Variants in PCLO observed in about 807,000 individuals in gnomAD.
The protein encoded by PCLO is protein piccolo.
Under a neutral mutation model 427.5 loss-of-function variants are expected in PCLO, and 82 were observed. The observed-to-expected ratio is 0.19, with a 90% CI of 0.16 to 0.23. PCLO has a LOEUF of 0.23. Ranked by LOEUF, PCLO falls within the 10% of genes least tolerant of loss-of-function variation. The probability of loss-of-function intolerance (pLI) is 1.00; values close to 1 mark genes in which losing one functional copy is unlikely to be tolerated. For missense variants in PCLO, 6,239 were observed against 6,115.9 expected (o/e 1.02, Z -0.67); for synonymous variants, 2,357 against 2,155.4 (o/e 1.09, Z -2.59).
intron 6 of PCLO, among the ~76,000 whole-genome samples, chr7:82,937,716 T>C (rs1794989859): frequency 6.6e-6 from 1 of 151,762 alleles, no homozygotes; most frequent in Non-Finnish European, 1.5e-5. Flanking sequence ...TCAGTCTCTC[T>C]GTTATTAAAG....
intron 3 of PCLO, among the ~76,000 whole-genome samples, chr7:82,977,790 T>C (rs969917612): frequency 1.3e-5 from 2 of 152,284 alleles, no homozygotes; most frequent in Non-Finnish European, 2.9e-5. Context: ...TTGATCCAAT[T>C]AAAGAAATGA....
rs1229568494 is a variant in PCLO, at chr7:83,156,068, C to T, written c.573G>A (p.Lys191=). 1 of 1,613,368 alleles carries T rather than the reference C, an allele frequency of 6.2e-7. No individual in the cohort carries two copies. Among genetic ancestry groups the T allele is most frequent in the South Asian group, 1.1e-5 (1 of 91,018 alleles). The change falls in exon 2 of 25, where the codon AAG becomes AAA. Residue 191 remains lysine, a synonymous_variant. Transcript: ENST00000333891. ...DSEASQEETT[K]KQKVVQKEQG... is the part of the protein sequence containing the mutation. ...GCTCCTTCTGAACCACTTTTTGTTT[C>T]TTGGTGGTTTCTTCCTGGGATGCCT...
chr7:82,953,445 G>A lies in PCLO; in HGVS notation c.7508C>T (p.Pro2503Leu), dbSNP rs866320525. The A allele has an allele frequency of 6.2e-7, 1 of 1,613,456 alleles. No individual in the cohort carries two copies. The highest frequency in any genetic ancestry group is 2.2e-5 in the East Asian group (1 of 44,828). The stretch of plus-strand genomic sequence containing the variant: ...GGCGATTGGAGGTTTGCTTGGCTCA[G>A]GCCTGTGGGTAAATACAAGTCCAGA... The part of the protein sequence containing the change: ...IPSGLVFTHR[P>L]EPSKPPIAPK... Residue 2503 changes from proline to leucine, a missense_variant, in exon 5 of 25, where the codon CCT (proline) becomes CTT (leucine). Pro to Leu is a moderately conservative substitution (Grantham distance 98). Around this residue, in one of 5 missense-constraint regions of PCLO, gnomAD observed 4,677 missense variants for 4,468.4 expected, o/e 1.05. Coordinates refer to ENST00000333891, the MANE Select transcript of PCLO (RefSeq NM_033026.6).
At chr7:82,785,533 TC>T (rs1790967449) in intron 22 of PCLO, among the ~76,000 whole-genome samples, 1 of 152,136 alleles carries the variant, frequency 6.6e-6, no homozygotes, top group African/African-American at 2.4e-5. Flanking sequence ...TCTTCCCATC[TC>T]CCAATCATTT....
At chr7:82,824,451 G>A (rs1466562024) in intron 18 of PCLO, 35 bp from the exon 19 acceptor site, 1 of 1,358,948 alleles carries the variant, frequency 7.4e-7, no homozygotes, top group African/African-American at 1.4e-5. Flanking sequence ...TGAAATTTAG[G>A]GACTAAAGTA....
chr7:82,949,362 C>T (rs1562874904), intron 6 of PCLO, 114 bp downstream of exon 6: 1 of 762,918 alleles, frequency 1.3e-6, no homozygotes. Flanking sequence ...AATCTTCACC[C>T]TAATCTAGTA....
At chr7:83,032,760 A>G (rs185193856) in intron 3 of PCLO, among the ~76,000 whole-genome samples, 1 of 152,192 alleles carries the variant, frequency 6.6e-6, no homozygotes, top group Non-Finnish European at 1.5e-5. Flanking sequence ...TCTTTTCTTT[A>G]TACCCCACAT....
At chr7:82,821,728 C>T (rs376598426) in intron 20 of PCLO, 6 of 983,614 alleles carry the variant, frequency 6.1e-6, no homozygotes, top group East Asian at 2.3e-4. Context: ...GAAAAAATAT[C>T]TGTAAAATCT....
At chr7:83,105,334 AGC>A (rs1382957707) in intron 3 of PCLO, among the ~76,000 whole-genome samples, 1 of 152,188 alleles carries the variant, frequency 6.6e-6, no homozygotes, top group African/African-American at 2.4e-5. Context: ...TTACACCAGA[AGC>A]AAAGTCTAAT....
intron 4 of PCLO, among the ~76,000 whole-genome samples, chr7:82,959,404 G>A (rs577995831): frequency 3.9e-5 from 6 of 152,200 alleles, no homozygotes; most frequent in African/African-American, 1.4e-4. Flanking sequence ...ATTAAAATAT[G>A]TAACAATGTC....
chr7:82,822,845 A>G (rs990060356), intron 19 of PCLO, among the ~76,000 whole-genome samples, 156 bp from the exon 20 acceptor site: 2 of 152,206 alleles, frequency 1.3e-5, no homozygotes, highest in Non-Finnish European at 2.9e-5. Flanking sequence ...AATGATGATT[A>G]AACATCTGGG....
chr7:82,955,898 T>C lies in PCLO; in HGVS notation c.5055A>G (p.Ser1685=), dbSNP rs746361729. 39 of 1,613,966 alleles carry C rather than the reference T, an allele frequency of 2.4e-5. No individual in the cohort carries two copies. Among genetic ancestry groups the C allele is most frequent in the Non-Finnish European group, 3.1e-5 (37 of 1,179,876 alleles). Reference sequence around the variant, plus strand: ...CAAAATACAAACTTGTTTTTTTCTGTGATGACTCTGCAGAATATTTATCTG... The same window carrying C: ...CAAAATACAAACTTGTTTTTTTCTGCGATGACTCTGCAGAATATTTATCTG... The part of the protein sequence containing the change: ...TIADKYSAES[S]QKKTSLYFDE... The change falls in exon 5 of 25, where the codon TCA becomes TCG. Residue 1685 remains serine, a synonymous_variant. Coordinates refer to ENST00000333891, the MANE Select transcript of PCLO (RefSeq NM_033026.6).
intron 3 of PCLO, among the ~76,000 whole-genome samples, chr7:83,132,215 G>C (rs1248527596): frequency 6.6e-6 from 1 of 152,068 alleles, no homozygotes; most frequent in African/African-American, 2.4e-5. Flanking sequence ...GGTAAGCCAG[G>C]AATACTAGTT....
intron 3 of PCLO, among the ~76,000 whole-genome samples, chr7:83,030,442 A>G (rs553571009): frequency 1.3e-5 from 2 of 152,356 alleles, no homozygotes; most frequent in East Asian, 3.9e-4. Flanking sequence ...TGAATGGTCT[A>G]TGAAGTGTCT....
intron 9 of PCLO, among the ~76,000 whole-genome samples, chr7:82,889,142 C>T (rs1300297056): frequency 6.6e-6 from 1 of 152,106 alleles, no homozygotes; most frequent in Admixed American, 6.6e-5. Flanking sequence ...CTTGCACAGC[C>T]TTTGGTTGTT....
intron 3 of PCLO, among the ~76,000 whole-genome samples, chr7:83,115,817 T>G (rs906530833): frequency 6.6e-6 from 1 of 152,024 alleles, no homozygotes; most frequent in African/African-American, 2.4e-5. Flanking sequence ...GCAGATGTGA[T>G]TCACAGTTCT....
chr7:82,926,154 G>T (rs1252765630), intron 6 of PCLO, among the ~76,000 whole-genome samples: 49 of 152,236 alleles, frequency 3.2e-4, no homozygotes, highest in Admixed American at 3.0e-3. Flanking sequence ...TTGCAATAGG[G>T]CACAGTGTTT....
At chr7:82,871,560 C>A (rs1793239106) in intron 10 of PCLO, among the ~76,000 whole-genome samples, 1 of 151,656 alleles carries the variant, frequency 6.6e-6, no homozygotes, top group Non-Finnish European at 1.5e-5. Flanking sequence ...CTATAGTTAG[C>A]AATAATTTAT....
intron 10 of PCLO, among the ~76,000 whole-genome samples, chr7:82,856,876 G>A (rs191229384): frequency 1.3e-5 from 2 of 152,150 alleles, no homozygotes; most frequent in East Asian, 3.9e-4. Context: ...AAGAGATGAT[G>A]AGGCCAAGCC....
Sources: allele counts gnomAD v4.1 joint callset (sites outside exome capture counted in the v4.1 genomes callset), GRCh38; gene constraint gnomAD v4.1.1; regional missense constraint gnomAD v4.1.1; transcripts MANE v1.5; gene names NCBI Gene and HGNC (gene_info 2026-07-23, HGNC 2026-07-21).